DHRSX: variants seen among roughly 807,000 people sequenced by gnomAD.
DHRSX encodes the protein polyprenol dehydrogenase.
A neutral mutation model predicts 34.0 loss-of-function variants in DHRSX; 31 were observed. That is an observed-to-expected ratio of 0.91 (90% CI 0.69 to 1.23). The LOEUF (loss-of-function observed/expected upper bound fraction) is 1.23. Among genes scored for constraint, DHRSX ranks in the 50% most tolerant of loss-of-function variants. The probability of loss-of-function intolerance (pLI) is 0.00; values close to 1 mark genes in which losing one functional copy is unlikely to be tolerated. For synonymous variants in DHRSX, 201 were observed against 183.8 expected, an observed-to-expected ratio of 1.09 and a Z score of -0.76; for missense variants, 414 against 428.1, an observed-to-expected ratio of 0.97 and a Z score of 0.29.
intron 3 of DHRSX, among the ~76,000 whole-genome samples, chrX:2,393,119 C>A: frequency 6.8e-6 from 1 of 146,486 alleles, no homozygotes; most frequent in African/African-American, 2.5e-5. Context: ...TATAATAATA[C>A]ATTATAATTT....
Position 2,282,715 on chromosome X carries a change from GGAGA to G in DHRSX, c.388+8783_388+8786del, listed in dbSNP as rs376314392. On this transcript the variant is annotated intron_variant, in intron 4 of 6. Transcript: ENST00000334651. Reference sequence around the variant, plus strand: ...GAGAAAGAGGGAGAGAGGGAAGGAAGGAGAGAGGGAGGGAGGGAGAGGGAGAATG... The same window carrying G: ...GAGAAAGAGGGAGAGAGGGAAGGAAGGAGGGAGGGAGGGAGAGGGAGAATG... Among the ~76,000 whole-genome samples, 34 of 136,008 alleles carry G rather than the reference GGAGA, an allele frequency of 2.5e-4. 1 individual carries two copies. The highest frequency in any genetic ancestry group is 1.5e-3 in the South Asian group (6 of 4,034). 89.2% of individuals were successfully genotyped at this position (136,008 alleles called of 152,430 possible).
chrX:2,234,671 C>T (rs370710570), intron 6 of DHRSX, among the ~76,000 whole-genome samples: 47 of 152,316 alleles, frequency 3.1e-4, no homozygotes, highest in African/African-American at 1.0e-3. Flanking sequence ...TTTGCAGTGA[C>T]ATGGACAAAC....
intron 5 of DHRSX, among the ~76,000 whole-genome samples, chrX:2,254,399 C>T (rs1468645398): frequency 6.6e-6 from 1 of 152,130 alleles, no homozygotes; most frequent in East Asian, 1.9e-4. Flanking sequence ...TTCCAGTGCT[C>T]ATTAAACCTG....
At chrX:2,408,391 A>T (rs1331451353) in intron 3 of DHRSX, among the ~76,000 whole-genome samples, 1 of 152,126 alleles carries the variant, frequency 6.6e-6, no homozygotes, top group Non-Finnish European at 1.5e-5. Context: ...TCTTAAGTCA[A>T]GAACTCCCAA....
At chrX:2,464,259 C>A (rs1405517225) in intron 1 of DHRSX, among the ~76,000 whole-genome samples, 3 of 149,462 alleles carry the variant, frequency 2.0e-5, no homozygotes, top group Non-Finnish European at 3.0e-5. Context: ...GACCATTGCC[C>A]TTTGCACATT....
intron 2 of DHRSX, among the ~76,000 whole-genome samples, chrX:2,422,756 C>A (rs1350571631): frequency 6.6e-6 from 1 of 151,838 alleles, no homozygotes; most frequent in Admixed American, 6.6e-5. Context: ...CCAGCCTGGG[C>A]AACATAGCAA....
chrX:2,346,173 T>C (rs992473962), intron 3 of DHRSX, among the ~76,000 whole-genome samples: 2 of 152,180 alleles, frequency 1.3e-5, no homozygotes. Flanking sequence ...TTTCTGATAA[T>C]GTTTCTAACT....
intron 2 of DHRSX, among the ~76,000 whole-genome samples, chrX:2,414,677 A>G (rs2043671593): frequency 6.6e-6 from 1 of 152,058 alleles, no homozygotes; most frequent in African/African-American, 2.4e-5. Flanking sequence ...GACCTAATAC[A>G]ACTAGATCCC....
intron 3 of DHRSX, among the ~76,000 whole-genome samples, chrX:2,403,043 C>T (rs761296212): frequency 1.2e-4 from 19 of 152,010 alleles, no homozygotes; most frequent in South Asian, 4.2e-4. Context: ...CCACCACGCC[C>T]GGCTAATTTT....
At chrX:2,246,127 G>T (rs1373145322) in intron 5 of DHRSX, among the ~76,000 whole-genome samples, 2 of 151,974 alleles carry the variant, frequency 1.3e-5, no homozygotes, top group Non-Finnish European at 2.9e-5. Context: ...CAAATTTTCA[G>T]GGTTCACAAA....
chrX:2,326,204 C>T (rs1431217914), intron 3 of DHRSX, among the ~76,000 whole-genome samples: 1 of 152,112 alleles, frequency 6.6e-6, no homozygotes, highest in Non-Finnish European at 1.5e-5. Flanking sequence ...CAGCTGCAGG[C>T]TGACAGTGGA....
chrX:2,338,622 T>G (rs2042600777), intron 3 of DHRSX, among the ~76,000 whole-genome samples: 1 of 151,964 alleles, frequency 6.6e-6, no homozygotes, highest in Admixed American at 6.6e-5. Context: ...GCCTGGCGTC[T>G]CCCGTCTGTC....
At chrX:2,257,753 G>C (rs1467406916) in intron 5 of DHRSX, among the ~76,000 whole-genome samples, 1 of 152,098 alleles carries the variant, frequency 6.6e-6, no homozygotes, top group Non-Finnish European at 1.5e-5. Flanking sequence ...AGCCTCCCCA[G>C]TAGCTGGGGT....
chrX:2,385,333 G>A (rs962742998), intron 3 of DHRSX, among the ~76,000 whole-genome samples: 14 of 152,060 alleles, frequency 9.2e-5, no homozygotes, highest in Non-Finnish European at 1.5e-4. Flanking sequence ...GATGGTCATG[G>A]TTGCTTTAAA....
At chrX:2,451,600 G>A (rs989065931) in intron 1 of DHRSX, among the ~76,000 whole-genome samples, 15 of 152,212 alleles carry the variant, frequency 9.9e-5, no homozygotes, top group African/African-American at 3.4e-4. Flanking sequence ...GACGGTGGCT[G>A]GAGAATGTCT....
intron 2 of DHRSX, among the ~76,000 whole-genome samples, chrX:2,418,834 A>T (rs2043731581): frequency 6.6e-6 from 1 of 152,188 alleles, no homozygotes; most frequent in Non-Finnish European, 1.5e-5. Flanking sequence ...GTTGTTAATG[A>T]TACAGCAGAT....
intron 4 of DHRSX, among the ~76,000 whole-genome samples, chrX:2,289,407 C>T (rs1357067471): frequency 2.0e-5 from 3 of 152,096 alleles, no homozygotes; most frequent in Admixed American, 1.3e-4. Flanking sequence ...GGTGAGCCAC[C>T]GCGCCCGGCC....
chrX:2,405,294 C>T (rs2043538427), intron 3 of DHRSX, among the ~76,000 whole-genome samples: 1 of 151,102 alleles, frequency 6.6e-6, no homozygotes, highest in Admixed American at 6.6e-5. Flanking sequence ...CAAGACCAGC[C>T]TGGCCAAGAT....
chrX:2,288,654 G>A (rs1288260869), intron 4 of DHRSX, among the ~76,000 whole-genome samples: 2 of 152,204 alleles, frequency 1.3e-5, no homozygotes, highest in Non-Finnish European at 2.9e-5. Flanking sequence ...TTTCACACTG[G>A]ACTTACTGGC....
Sources: allele counts gnomAD v4.1 joint callset (sites outside exome capture counted in the v4.1 genomes callset), GRCh38; gene constraint gnomAD v4.1.1; transcripts MANE v1.5; gene names NCBI Gene and HGNC (gene_info 2026-07-23, HGNC 2026-07-21).